The following LIN28B variants were observed in gnomAD, a reference collection of about 807,000 sequenced individuals.
The protein encoded by LIN28B is lin-28 RNA binding posttranscriptional regulator B, also known as protein lin-28 homolog B.
In LIN28B, 5 loss-of-function variants were observed where a neutral mutation model predicts 21.9. The ratio of observed to expected loss-of-function variants is 0.23; its 90% CI spans 0.12 to 0.48. The LOEUF (loss-of-function observed/expected upper bound fraction) is 0.48, where lower values mean the gene tolerates loss of function less well. Ranked by LOEUF, LIN28B falls within the 20% of genes least tolerant of loss-of-function variation. The pLI is 0.98. For synonymous variants in LIN28B, 109 were observed against 111.3 expected, an observed-to-expected ratio of 0.98 and a Z score of 0.13; for missense variants, 245 against 310.5, an observed-to-expected ratio of 0.79 and a Z score of 1.58.
chr6:105,004,576 C>T (rs897285565), intron 2 of LIN28B, among the ~76,000 whole-genome samples: 1 of 151,960 alleles, frequency 6.6e-6, no homozygotes, highest in African/African-American at 2.4e-5. Context: ...AAAGTTTAGC[C>T]CATTGTCTGG....
chr6:104,943,886 A>G (rs1394296869), intron 2 of LIN28B, among the ~76,000 whole-genome samples: 1 of 152,178 alleles, frequency 6.6e-6, no homozygotes, highest in Admixed American at 6.5e-5. Flanking sequence ...CTTCGAATAT[A>G]TGAAATACAG....
intron 3 of LIN28B, among the ~76,000 whole-genome samples, chr6:105,053,944 G>C (rs1211823056): frequency 5.9e-5 from 9 of 152,038 alleles, no homozygotes; most frequent in African/African-American, 1.9e-4. Flanking sequence ...GGGTTTCACC[G>C]TGTTGGCCAC....
At chr6:104,961,791 G>GT (rs1347252739) in intron 2 of LIN28B, among the ~76,000 whole-genome samples, 1 of 152,088 alleles carries the variant, frequency 6.6e-6, no homozygotes, top group Non-Finnish European at 1.5e-5. Flanking sequence ...AGTTTCTTAT[G>GT]TTTTTTAAAA....
At chr6:104,961,223 AT>A (rs555084427) in intron 2 of LIN28B, among the ~76,000 whole-genome samples, 2 of 152,312 alleles carry the variant, frequency 1.3e-5, no homozygotes, top group East Asian at 3.9e-4. Flanking sequence ...TAAGTATTAT[AT>A]TTGTGAATTT....
chr6:104,958,297 C>CT lies in LIN28B; in HGVS notation c.198+17dup. ...GTATTTGTACACCAAGTAAGCCAAA[C>CT]TTTTTTGTCCCCCTCTTCATCTTTT... On this transcript the variant is annotated intron_variant, in intron 2 of 3. Coordinates refer to ENST00000345080, the MANE Select transcript of LIN28B (RefSeq NM_001004317.4). 1 of 1,536,430 alleles carries CT rather than the reference C, an allele frequency of 6.5e-7. No homozygotes were observed. Among genetic ancestry groups the CT allele is most frequent in the Non-Finnish European group, 8.9e-7 (1 of 1,127,360 alleles).
upstream of LIN28B, among the ~76,000 whole-genome samples, chr6:104,952,662 A>T (rs939540460): frequency 1.8e-4 from 27 of 152,232 alleles, no homozygotes; most frequent in African/African-American, 6.0e-4. Context: ...AAGCATTTGC[A>T]AATTTTGAAA....
intron 2 of LIN28B, among the ~76,000 whole-genome samples, chr6:105,018,620 C>T (rs1771076394): frequency 6.6e-6 from 1 of 152,082 alleles, no homozygotes; most frequent in Non-Finnish European, 1.5e-5. Context: ...ATTCCCTTTC[C>T]CTGGAAATCA....
At chr6:105,050,584 G>T (rs942095398) in intron 3 of LIN28B, among the ~76,000 whole-genome samples, 1 of 119,248 alleles carries the variant, frequency 8.4e-6, no homozygotes, top group Non-Finnish European at 1.6e-5. Context: ...AGTCCAGCCT[G>T]GGCGACAGAG....
At chr6:105,014,955 A>C (rs752920157) in intron 2 of LIN28B, among the ~76,000 whole-genome samples, 1 of 151,822 alleles carries the variant, frequency 6.6e-6, no homozygotes, top group Non-Finnish European at 1.5e-5. Context: ...AATATTTATA[A>C]TTATTTATCT....
chr6:105,017,551 C>T (rs1342710881), intron 2 of LIN28B, among the ~76,000 whole-genome samples: 1 of 152,154 alleles, frequency 6.6e-6, no homozygotes, highest in Non-Finnish European at 1.5e-5. Flanking sequence ...TATATTATCC[C>T]TAGTTTACAG....
intron 3 of LIN28B, among the ~76,000 whole-genome samples, chr6:105,034,457 T>TA (rs1002838897): frequency 2.0e-5 from 3 of 151,816 alleles, no homozygotes; most frequent in East Asian, 1.9e-4. Context: ...AATAGACTGT[T>TA]AAAAAAAAGA....
intron 3 of LIN28B, among the ~76,000 whole-genome samples, chr6:105,048,930 G>A (rs1771831660): frequency 6.6e-6 from 1 of 151,992 alleles, no homozygotes; most frequent in Non-Finnish European, 1.5e-5. Context: ...AGTCTTGCTT[G>A]CAGTCTATCA....
At chr6:105,054,739 CA>C (rs1444854498) in intron 3 of LIN28B, among the ~76,000 whole-genome samples, 1 of 152,194 alleles carries the variant, frequency 6.6e-6, no homozygotes, top group Non-Finnish European at 1.5e-5. Context: ...CCCCATGCCC[CA>C]GGGGACTTCT....
chr6:105,030,263 G>A (rs1771391229), intron 3 of LIN28B, among the ~76,000 whole-genome samples: 1 of 152,178 alleles, frequency 6.6e-6, no homozygotes, highest in Non-Finnish European at 1.5e-5. Flanking sequence ...AGATTTGACA[G>A]TGTGGTAGCA....
intron 3 of LIN28B, among the ~76,000 whole-genome samples, chr6:105,063,641 G>C (rs1022596798): frequency 5.7e-5 from 8 of 139,242 alleles, no homozygotes; most frequent in East Asian, 2.1e-4. Context: ...ATCTCGGGGG[G>C]GGGGGGGAAA....
chr6:104,938,418 T>A (rs1466940595), intron 2 of LIN28B, among the ~76,000 whole-genome samples: 3 of 152,132 alleles, frequency 2.0e-5, no homozygotes, highest in African/African-American at 7.2e-5. Flanking sequence ...GTGGGCAGAC[T>A]GCTTGAGGCC....
At chr6:105,045,903 C>T (rs1771750235) in intron 3 of LIN28B, among the ~76,000 whole-genome samples, 1 of 152,062 alleles carries the variant, frequency 6.6e-6, no homozygotes, top group Non-Finnish European at 1.5e-5. Flanking sequence ...CTAATAACAC[C>T]TTTTTGAAAA....
intron 2 of LIN28B, among the ~76,000 whole-genome samples, chr6:105,002,227 A>T (rs1322582368): frequency 1.5e-5 from 2 of 136,000 alleles, no homozygotes; most frequent in Admixed American, 7.8e-5. Flanking sequence ...CCAACTTTGC[A>T]TTAGCCATAA....
intron 2 of LIN28B, among the ~76,000 whole-genome samples, chr6:104,942,103 A>G (rs1311036368): frequency 2.0e-5 from 3 of 152,198 alleles, no homozygotes; most frequent in Admixed American, 6.5e-5. Context: ...TCATGGAACT[A>G]AATTCTCCAC....
Sources: gnomAD v4.1 joint callset for allele counts (sites outside exome capture counted in the v4.1 genomes callset) on GRCh38, gnomAD v4.1.1 for gene constraint, MANE v1.5 for transcripts, NCBI Gene and HGNC (gene_info 2026-07-23, HGNC 2026-07-21) for gene names.